APC2: variants seen among roughly 807,000 people sequenced by gnomAD.
APC2 encodes the protein adenomatous polyposis coli protein 2.
In APC2, 41 loss-of-function variants were observed where a neutral mutation model predicts 72.5. The ratio of observed to expected loss-of-function variants is 0.57; its 90% CI spans 0.44 to 0.73. The LOEUF (loss-of-function observed/expected upper bound fraction) is 0.73. Among genes scored for constraint, APC2 ranks in the 30% least tolerant of loss-of-function variants. The pLI, the probability that APC2 is intolerant of heterozygous loss-of-function variation, is 0.00. For synonymous variants in APC2, 1,898 were observed against 1,612.0 expected, an observed-to-expected ratio of 1.18 and a Z score of -4.25; for missense variants, 3,729 against 3,403.4, an observed-to-expected ratio of 1.10 and a Z score of -2.38.
Position 1,456,855 on chromosome 19 carries a change from G to T in APC2, c.819G>T (p.Val273=), listed in dbSNP as rs1234745718. The change falls in exon 9 of 15, where the codon GTG becomes GTT. Residue 273 remains valine, a splice_region_variant and synonymous_variant. Coordinates refer to ENST00000590469, the MANE Select transcript of APC2 (RefSeq NM_005883.3). ...CCCTGACCCTGCCCTCCCCCCAGGT[G>T]GAGGTGGTCTTCTGGCTGTTGTCCA... ...DGTPQPGNSK[V]EVVFWLLSML... is the part of the protein sequence containing the mutation. The T allele has an allele frequency of 1.1e-5, 18 of 1,595,882 alleles. No homozygotes were observed. Among genetic ancestry groups the T allele is most frequent in the Non-Finnish European group, 1.3e-5 (15 of 1,176,584 alleles).
Position 1,457,179 on chromosome 19 carries a change from C to A in APC2, c.1143C>A (p.Cys381Ter). 2 of 1,574,786 alleles carry A rather than the reference C, an allele frequency of 1.3e-6. No homozygotes were observed. Among genetic ancestry groups the A allele is most frequent in the Non-Finnish European group, 1.7e-6 (2 of 1,163,094 alleles). ...TGCTGGAGCAGATCCGGGCCTACTGCGAGACCTGCTGGGACTGGCTGCAGG... is the reference window on the plus strand; with the variant it reads ...TGCTGGAGCAGATCCGGGCCTACTGAGAGACCTGCTGGGACTGGCTGCAGG... ...LHVLEQIRAY[C>*]ETCWDWLQAR... The change falls in exon 9 of 15, where the codon TGC (cysteine) becomes TGA (stop). Residue 381 changes from cysteine (C) to a stop codon, truncating the protein, a stop_gained. Transcript: ENST00000590469. LOFTEE classifies it high-confidence loss of function.
Position 1,466,352 on chromosome 19 carries a change from G to T in APC2, c.3051G>T (p.Ala1017=). The part of the protein sequence containing the change: ...GASRAGAEPL[A]GPGISPGARK... ...CAAGGGCGGGTGCAGAGCCCCTCGCGGGGCCTGGAATCTCTCCAGGGGCCC... is the reference window on the plus strand; with the variant it reads ...CAAGGGCGGGTGCAGAGCCCCTCGCTGGGCCTGGAATCTCTCCAGGGGCCC... Residue 1017 remains alanine (A), a synonymous_variant, in exon 15 of 15, where the codon GCG becomes GCT. Coordinates refer to ENST00000590469, the MANE Select transcript of APC2 (RefSeq NM_005883.3). The T allele has an allele frequency of 2.6e-6, 4 of 1,562,674 alleles. No individual in the cohort carries two copies. Among genetic ancestry groups the T allele is most frequent in the Non-Finnish European group, 3.5e-6 (4 of 1,157,388 alleles).
In APC2 at chr19:1,452,879, G is replaced by T; in HGVS notation, c.-18-105G>T. The T allele has an allele frequency of 7.3e-7, 1 of 1,368,988 alleles. No individual in the cohort carries two copies. The highest frequency in any genetic ancestry group is 9.8e-7 in the Non-Finnish European group (1 of 1,019,202). The allele number at this position is 1,368,988 out of a possible 1,614,324, so 84.8% of individuals were successfully genotyped here. Reference sequence around the variant, plus strand: ...CTGCCTGAGACCCCCCCCAACCCAGGATCAGGCAGGACGGCTGGGGCTTAG... The same window carrying T: ...CTGCCTGAGACCCCCCCCAACCCAGTATCAGGCAGGACGGCTGGGGCTTAG... On this transcript the variant is annotated intron_variant, in intron 1 of 14. Coordinates refer to ENST00000590469, the MANE Select transcript of APC2 (RefSeq NM_005883.3). This position sits in a 1 kb window ranked among gnomAD's most constrained non-coding sequence, Gnocchi z 5.1.
In APC2 at chr19:1,453,522, C is replaced by G. The variant is rs751691617; in HGVS notation, c.324C>G (p.Ser108Arg). Residue 108 changes from serine to arginine, a missense_variant, in exon 4 of 15, where the codon AGC (serine) becomes AGG (arginine). Physicochemically the swap from Ser to Arg is moderately radical, Grantham distance 110. Transcript: ENST00000590469. ...CTGCCGCCCGGACCCCCGAGGGCAG[C>G]CCAGTACACGGCTCCGGGCCCTCCA... Reference protein sequence around the residue: ...PEPAARTPEGSPVHGSGPSKD... With the variant: ...PEPAARTPEGRPVHGSGPSKD... 6 of 1,611,556 alleles carry G rather than the reference C, an allele frequency of 3.7e-6. No homozygotes were observed. The East Asian group carries it at 1.3e-4, about 36-fold the overall frequency.
At chr19:1,464,785 A>G (rs1410512173) in intron 14 of APC2, among the ~76,000 whole-genome samples, 1 of 151,384 alleles carries the variant, frequency 6.6e-6, no homozygotes, top group East Asian at 2.0e-4. Flanking sequence ...GGTGCTCGCC[A>G]CCACACCCAG....
At position 1,468,544 on chromosome 19, in the gene APC2, C is replaced by T. The variant is rs888768729; in HGVS notation, c.5243C>T (p.Ala1748Val). The T allele has an allele frequency of 4.4e-6, 7 of 1,598,618 alleles. No homozygotes were observed. The highest frequency in any genetic ancestry group is 3.4e-5 in the Admixed American group (2 of 59,356). Residue 1748 changes from alanine (A) to valine (V), a missense_variant, in exon 15 of 15, where the codon GCC becomes GTC. Ala to Val is a moderately conservative substitution (Grantham distance 64). Coordinates refer to ENST00000590469, the MANE Select transcript of APC2 (RefSeq NM_005883.3). ...GRQAEGEMGS[A>V]RRPEKRGAAS... ...CAGGCGGAGGGAGAAATGGGCAGTG[C>T]CCGGCGGCCAGAGAAAAGGGGCGCA...
upstream of APC2, among the ~76,000 whole-genome samples, chr19:1,449,599 T>C (rs57220434): frequency 0.14 from 21,357 of 152,088 alleles, 1,626 homozygotes; most frequent in South Asian, 0.18. Context: ...TGTGGGGAGA[T>C]GCAGCGTCCC....
At chr19:1,461,421 C>A in intron 13 of APC2, 2 of 514,124 alleles carry the variant, frequency 3.9e-6, no homozygotes, top group South Asian at 4.7e-5. Flanking sequence ...CTAAAAAAAA[C>A]AGCCAGGCGT....
rs936399400 is a variant in APC2, at chr19:1,457,164, G to A, written c.1128G>A (p.Gln376=). The part of the protein sequence containing the change: ...KEMRVLHVLE[Q]IRAYCETCWD... ...TGCGCGTCCTGCACGTGCTGGAGCA[G>A]ATCCGGGCCTACTGCGAGACCTGCT... Residue 376 remains glutamine, a synonymous_variant, in exon 9 of 15, where the codon CAG becomes CAA. Coordinates refer to ENST00000590469, the MANE Select transcript of APC2 (RefSeq NM_005883.3). 1.3e-6 allele frequency: 2 copies of A among 1,584,710 alleles called. No individual in the cohort carries two copies. The highest frequency in any genetic ancestry group is 1.7e-6 in the Non-Finnish European group (2 of 1,168,130).
Position 1,472,195 on chromosome 19 carries a change from G to A in APC2, c.*1982G>A, listed in dbSNP as rs2084145941. The A allele has an allele frequency of 6.6e-6, 1 of 152,268 alleles. No homozygotes were observed. Among genetic ancestry groups the A allele is most frequent in the Non-Finnish European group, 1.5e-5 (1 of 68,066 alleles). 9.4% of individuals were successfully genotyped at this position (152,268 alleles called of 1,614,324 possible). ...TTGCTGTCCCCATCCATGGCCCGAGGGGGAACCTGGTGGTCTCTTCTGAGC... is the reference window on the plus strand; with the variant it reads ...TTGCTGTCCCCATCCATGGCCCGAGAGGGAACCTGGTGGTCTCTTCTGAGC... On this transcript the variant is annotated 3_prime_UTR_variant, in exon 15 of 15. Coordinates refer to ENST00000590469, the MANE Select transcript of APC2 (RefSeq NM_005883.3).
intron 4 of APC2, among the ~76,000 whole-genome samples, chr19:1,453,891 G>A (rs1234719833): frequency 1.3e-5 from 2 of 152,214 alleles, no homozygotes; most frequent in Non-Finnish European, 2.9e-5. Flanking sequence ...GACGTCCCCA[G>A]GGGTCCGAGA....
chr19:1,452,447 T>A lies in APC2; in HGVS notation c.-18-537T>A, dbSNP rs1182675182. The A allele has an allele frequency of 6.2e-6, 1 of 162,244 alleles. No individual in the cohort carries two copies. Among genetic ancestry groups the A allele is most frequent in the East Asian group, 1.9e-4 (1 of 5,364 alleles). 10.1% of individuals were successfully genotyped at this position (162,244 alleles called of 1,614,324 possible). A position where few individuals can be genotyped will look rare whatever the true frequency, so the allele number is the denominator to read the frequency against. On this transcript the variant is annotated intron_variant, in intron 1 of 14. Coordinates refer to ENST00000590469, the MANE Select transcript of APC2 (RefSeq NM_005883.3). The surrounding 1 kb of genome is among the most constrained non-coding windows in gnomAD (Gnocchi z 5.1). ...GTCACCCACTGGCCTTCGTGGTGTTTTCATTGTCCATCGGCAGGGACAGCT... is the reference window on the plus strand; with the variant it reads ...GTCACCCACTGGCCTTCGTGGTGTTATCATTGTCCATCGGCAGGGACAGCT...
At position 1,468,957 on chromosome 19, in the gene APC2, C is replaced by A. The variant is rs1233390755; in HGVS notation, c.5656C>A (p.Leu1886Met). ...SSQTSPASQP[L>M]PRKRPPVTQA... ...CCAGACCTCGCCCGCCTCCCAGCCC[C>A]TGCCCAGAAAGCGCCCCCCGGTCAC... is the stretch of plus-strand genomic sequence containing the variant. Residue 1886 changes from leucine to methionine, a missense_variant, in exon 15 of 15, where the codon CTG (leucine) becomes ATG (methionine). Coordinates refer to ENST00000590469, the MANE Select transcript of APC2 (RefSeq NM_005883.3). 1 of 1,556,720 alleles carries A rather than the reference C, an allele frequency of 6.4e-7. No homozygotes were observed. The highest frequency in any genetic ancestry group is 1.2e-5 in the South Asian group (1 of 84,638).
rs1327516992 is a variant in APC2 at position 1,468,372 on chromosome 19, G to A, written c.5071G>A (p.Glu1691Lys). 1 of 1,577,372 alleles carries A rather than the reference G, an allele frequency of 6.3e-7. No individual in the cohort carries two copies. The change falls in exon 15 of 15, where the codon GAG becomes AAG. Residue 1691 changes from glutamate (E) to lysine (K), a missense_variant. Transcript: ENST00000590469. ...TAGCGTGGAGTGGCGCGCCATCCAG[G>A]AGGGCGCCAATTCAATTGTCACGTG... is the stretch of plus-strand genomic sequence containing the variant. ...LDSVEWRAIQ[E>K]GANSIVTWLH... is the part of the protein sequence containing the mutation.
At position 1,463,594 on chromosome 19, in the gene APC2, A is replaced by G. The variant is rs528838913; in HGVS notation, c.1853+1417A>G. Among the ~76,000 whole-genome samples, 120 of 151,556 alleles carry G rather than the reference A, an allele frequency of 7.9e-4. 1 individual carries two copies. The highest frequency in any genetic ancestry group is 1.4e-3 in the African/African-American group (58 of 41,294). ...GCAAAACTGTCTCAAAAAAAAAAAA[A>G]AAAGAAAAATTAGCTTGGCTTGGCG... On this transcript the variant is annotated intron_variant, in intron 14 of 14. Coordinates refer to ENST00000590469, the MANE Select transcript of APC2 (RefSeq NM_005883.3).
rs202171992 is a variant in APC2 at position 1,467,814 on chromosome 19, G to A, written c.4513G>A (p.Ala1505Thr). ...SLCLTTPTEE[A>T]VYCFYGNDSD... is the part of the protein sequence containing the mutation. ...GTGCCTCACGACGCCCACTGAGGAG[G>A]CCGTGTACTGCTTCTACGGCAACGA... Residue 1505 changes from alanine (A) to threonine (T), a missense_variant, in exon 15 of 15, where the codon GCC becomes ACC. By Grantham distance (58) the Ala-to-Thr change is moderately conservative. Transcript: ENST00000590469. 40 of 1,499,838 alleles carry A rather than the reference G, an allele frequency of 2.7e-5. No homozygotes were observed. The African/African-American group carries it at 3.7e-4, about 14-fold the overall frequency. The allele number at this position is 1,499,838 out of a possible 1,614,324, so 92.9% of individuals were successfully genotyped here.
chr19:1,461,440 G>T, intron 13 of APC2: 2 of 488,120 alleles, frequency 4.1e-6, no homozygotes, highest in South Asian at 4.7e-5. Flanking sequence ...GTGGCAGCGG[G>T]CGCCTGTTAG....
upstream of APC2, among the ~76,000 whole-genome samples, chr19:1,448,025 C>A (rs567434717): frequency 1.3e-5 from 2 of 152,266 alleles, no homozygotes; most frequent in African/African-American, 4.8e-5. Flanking sequence ...GTAAACAAGA[C>A]TGGAAACCGA....
At chr19:1,459,660 C>T (rs1201611415) in intron 10 of APC2, among the ~76,000 whole-genome samples, 1 of 152,180 alleles carries the variant, frequency 6.6e-6, no homozygotes, top group African/African-American at 2.4e-5. Context: ...GGTGACAAGT[C>T]CTCCTCTCCC....
Sources: gnomAD v4.1 joint callset for allele counts (sites outside exome capture counted in the v4.1 genomes callset) on GRCh38, gnomAD v4.1.1 for gene constraint, Gnocchi (gnomAD v3.1) non-coding constraint, MANE v1.5 for transcripts, NCBI Gene and HGNC (gene_info 2026-07-23, HGNC 2026-07-21) for gene names.